LARP4: variants seen among roughly 807,000 people sequenced by gnomAD.
LARP4 encodes the protein La ribonucleoprotein 4, also known as la-related protein 4.
A neutral mutation model predicts 92.9 loss-of-function variants in LARP4; 29 were observed. That is an observed-to-expected ratio of 0.31 (90% CI 0.23 to 0.43). The LOEUF (loss-of-function observed/expected upper bound fraction) is 0.43, where lower values mean the gene tolerates loss of function less well. Ranked by LOEUF, LARP4 falls within the 20% of genes least tolerant of loss-of-function variation. The pLI, the probability that LARP4 is intolerant of heterozygous loss-of-function variation, is 1.00. For synonymous variants in LARP4, 279 were observed against 284.1 expected (o/e 0.98, Z 0.18); for missense variants, 732 against 860.0 (o/e 0.85, Z 1.86).
At chr12:50,406,811 G>T (rs1944925885) in intron 1 of LARP4, among the ~76,000 whole-genome samples, 1 of 151,568 alleles carries the variant, frequency 6.6e-6, no homozygotes, top group South Asian at 2.1e-4. Context: ...CTGCCTCCTG[G>T]GTTCAAGTGA....
chr12:50,435,939 G>A (rs1233866519), intron 5 of LARP4, among the ~76,000 whole-genome samples: 1 of 151,502 alleles, frequency 6.6e-6, no homozygotes, highest in Non-Finnish European at 1.5e-5. Context: ...CACCACATCT[G>A]GCTAATCTTT....
At chr12:50,432,814 C>G (rs1239150570) in intron 4 of LARP4, among the ~76,000 whole-genome samples, 1 of 147,156 alleles carries the variant, frequency 6.8e-6, no homozygotes, top group Non-Finnish European at 1.5e-5. Context: ...GAGCCGAGAT[C>G]GCACCATTGC....
intron 1 of LARP4, among the ~76,000 whole-genome samples, chr12:50,404,759 G>T (rs1944490695): frequency 6.8e-6 from 1 of 146,034 alleles, no homozygotes; most frequent in Non-Finnish European, 1.5e-5. Context: ...GCGCCATCTC[G>T]GCTCACTGCA....
chr12:50,415,152 G>A (rs1441056512), intron 1 of LARP4, among the ~76,000 whole-genome samples: 2 of 152,126 alleles, frequency 1.3e-5, no homozygotes, highest in African/African-American at 4.8e-5. Context: ...GCAGTGAGCC[G>A]AGATCGTGCC....
chr12:50,474,806 T>A (rs1034385207), intron 15 of LARP4, among the ~76,000 whole-genome samples: 5 of 152,348 alleles, frequency 3.3e-5, no homozygotes, highest in African/African-American at 1.2e-4. Flanking sequence ...AACAAGTCTA[T>A]AAGTGGCCAT....
chr12:50,412,028 G>A (rs539269048), intron 1 of LARP4, among the ~76,000 whole-genome samples: 1 of 152,068 alleles, frequency 6.6e-6, no homozygotes, highest in East Asian at 1.9e-4. Context: ...TAATAGCTAT[G>A]TAACTTTGGG....
intron 1 of LARP4, chr12:50,421,423 C>T (rs1947769138): frequency 1.8e-5 from 4 of 219,226 alleles, no homozygotes; most frequent in African/African-American, 2.3e-5. Flanking sequence ...GTGGGAGGAT[C>T]AAGAGGTCAG....
intron 13 of LARP4, among the ~76,000 whole-genome samples, chr12:50,469,069 A>C (rs1956563316): frequency 6.6e-6 from 1 of 151,822 alleles, no homozygotes. Context: ...TTCCATGGTC[A>C]TGAAGTATAA....
intron 1 of LARP4, among the ~76,000 whole-genome samples, chr12:50,424,437 C>T (rs905896471): frequency 2.6e-5 from 4 of 151,948 alleles, no homozygotes; most frequent in African/African-American, 9.7e-5. Context: ...CGGCTCACCG[C>T]AACCACTGTC....
intron 8 of LARP4, among the ~76,000 whole-genome samples, chr12:50,442,437 T>C (rs1951358298): frequency 1.3e-5 from 2 of 152,346 alleles, no homozygotes; most frequent in Middle Eastern, 3.4e-3. Flanking sequence ...TTGTTTAGGC[T>C]TGAACACTTG....
At chr12:50,466,909 T>C in intron 12 of LARP4, 50 bp from the exon 13 acceptor site, 2 of 1,547,782 alleles carry the variant, frequency 1.3e-6, no homozygotes, top group Non-Finnish European at 1.8e-6. Context: ...TGACACAGGA[T>C]TAGGGAATGA....
chr12:50,461,068 A>G, intron 10 of LARP4, 67 bp from the exon 11 acceptor site: 1 of 1,336,148 alleles, frequency 7.5e-7, no homozygotes, highest in South Asian at 1.2e-5. Context: ...CCAATTTTTT[A>G]CCTAAGGAAA....
In LARP4 at chr12:50,449,786, A is replaced by T. The variant is rs146020666; in HGVS notation, c.805-3674A>T. Among the ~76,000 whole-genome samples, 70 of 152,186 alleles carry T rather than the reference A, an allele frequency of 4.6e-4. No individual in the cohort carries two copies. In the Middle Eastern group the frequency reaches 0.014, roughly 30 times the overall value. On this transcript the variant is annotated intron_variant, in intron 8 of 15. Transcript: ENST00000398473. ...ACTCTGGCTTTTATTACCAGTTTTT[A>T]AAAGTGTTGATTTTTTAGCCAATTT...
intron 8 of LARP4, among the ~76,000 whole-genome samples, chr12:50,443,123 C>G (rs1375420320): frequency 6.6e-6 from 1 of 152,112 alleles, no homozygotes; most frequent in Non-Finnish European, 1.5e-5. Context: ...TTCTATTTTT[C>G]CCCATATATG....
At chr12:50,408,653 C>T (rs1469506261) in intron 1 of LARP4, among the ~76,000 whole-genome samples, 1 of 152,094 alleles carries the variant, frequency 6.6e-6, no homozygotes, top group African/African-American at 2.4e-5. Flanking sequence ...CCTGGAAGGT[C>T]ACAGCATACA....
chr12:50,473,915 A>G, intron 14 of LARP4, 84 bp from the exon 15 acceptor site: 1 of 1,276,912 alleles, frequency 7.8e-7, no homozygotes, highest in Non-Finnish European at 1.1e-6. Context: ...GTCTCAAAAA[A>G]AAAAATTACG....
intron 3 of LARP4, among the ~76,000 whole-genome samples, 155 bp from the exon 4 acceptor site, chr12:50,430,340 G>A (rs1949458609): frequency 1.3e-5 from 2 of 152,156 alleles, no homozygotes; most frequent in Admixed American, 1.3e-4. Context: ...CTCTAGCCTG[G>A]GCAACAAAGG....
At chr12:50,457,609 T>TTG (rs1954558164) in intron 10 of LARP4, among the ~76,000 whole-genome samples, 1 of 152,020 alleles carries the variant, frequency 6.6e-6, no homozygotes, top group Non-Finnish European at 1.5e-5. Flanking sequence ...ATCTCATGAG[T>TTG]TGGAGACCAA....
Position 50,429,019 on chromosome 12 carries a change from G to C in LARP4, c.251G>C (p.Gly84Ala). The C allele has an allele frequency of 6.2e-7, 1 of 1,610,190 alleles. No homozygotes were observed. The highest frequency in any genetic ancestry group is 8.5e-7 in the Non-Finnish European group (1 of 1,177,222). Residue 84 changes from glycine to alanine, a missense_variant, in exon 3 of 16, where the codon GGC (glycine) becomes GCC (alanine). Transcript: ENST00000398473. ...SSCETTRNTT[G>A]IEESTDGMIL... is the part of the protein sequence containing the mutation. Reference sequence around the variant, plus strand: ...TGTGAAACCACAAGAAATACTACAGGCATTGAAGAATCAACTGATGGGATG... The same window carrying C: ...TGTGAAACCACAAGAAATACTACAGCCATTGAAGAATCAACTGATGGGATG...
Sources: gnomAD v4.1 joint callset for allele counts (sites outside exome capture counted in the v4.1 genomes callset) on GRCh38, gnomAD v4.1.1 for gene constraint, MANE v1.5 for transcripts, NCBI Gene and HGNC (gene_info 2026-07-23, HGNC 2026-07-21) for gene names.